THNSL1: variants seen among roughly 807,000 people sequenced by gnomAD.
The protein encoded by THNSL1 is threonine synthase like 1.
A neutral mutation model predicts 50.4 loss-of-function variants in THNSL1; 48 were observed. That is an observed-to-expected ratio of 0.95 (90% confidence interval 0.76 to 1.21). The LOEUF is 1.21. Ranked by LOEUF, THNSL1 falls within the 50% of genes most tolerant of loss-of-function variation. The pLI, the probability that THNSL1 is intolerant of heterozygous loss-of-function variation, is 0.00. For missense variants in THNSL1, 896 were observed against 871.7 expected, an observed-to-expected ratio of 1.03 and a Z score of -0.35; for synonymous variants, 309 against 306.1, an observed-to-expected ratio of 1.01 and a Z score of -0.10.
chr10:24,959,691 G>A, the THNSL1 span, among the ~76,000 whole-genome samples: 4 of 149,086 alleles, frequency 2.7e-5, no homozygotes, highest in African/African-American at 9.9e-5. Flanking sequence ...TTTTTTTTTT[G>A]TCTATGCAAA....
At chr10:25,018,102 CT>C (rs1278254919) in intron 1 of THNSL1, among the ~76,000 whole-genome samples, 1 of 152,164 alleles carries the variant, frequency 6.6e-6, no homozygotes, top group Non-Finnish European at 1.5e-5. Flanking sequence ...TCACTGATGT[CT>C]GTATATTTAT....
the THNSL1 span, among the ~76,000 whole-genome samples, chr10:24,993,219 G>T: frequency 6.6e-6 from 1 of 152,186 alleles, no homozygotes; most frequent in Non-Finnish European, 1.5e-5. Context: ...AAGCTTCAAT[G>T]ATCTGAAATA....
At chr10:24,989,320 G>A in the THNSL1 span, among the ~76,000 whole-genome samples, 1 of 152,052 alleles carries the variant, frequency 6.6e-6, no homozygotes, top group Non-Finnish European at 1.5e-5. Context: ...GAACATCTGC[G>A]TTTTCACTGG....
the THNSL1 span, chr10:24,990,640 A>G: frequency 6.3e-7 from 1 of 1,580,314 alleles, no homozygotes; most frequent in Non-Finnish European, 8.6e-7. Flanking sequence ...AAAGTAATCA[A>G]TATTTTGTAT....
chr10:24,955,162 A>G, the THNSL1 span, among the ~76,000 whole-genome samples: 63 of 152,172 alleles, frequency 4.1e-4, 1 homozygote, highest in Admixed American at 2.6e-4. Flanking sequence ...GAGAGAGAGC[A>G]AGGGTGTAGT....
At chr10:25,006,623 G>T in the THNSL1 span, among the ~76,000 whole-genome samples, 34 of 152,164 alleles carry the variant, frequency 2.2e-4, no homozygotes, top group Non-Finnish European at 4.0e-4. Flanking sequence ...TTTCCCATTT[G>T]CTTTGATAGC....
chr10:24,971,108 T>C, the THNSL1 span, among the ~76,000 whole-genome samples: 1 of 151,690 alleles, frequency 6.6e-6, no homozygotes, highest in South Asian at 2.1e-4. Context: ...CTCACTGCTT[T>C]TTTTTTTTTG....
the THNSL1 span, chr10:24,985,000 A>G: frequency 5.2e-6 from 5 of 955,902 alleles, no homozygotes; most frequent in South Asian, 5.9e-5. Context: ...GTCAATAAGT[A>G]AAAGAAACTG....
the THNSL1 span, chr10:24,995,918 A>C: frequency 7.1e-7 from 1 of 1,411,280 alleles, no homozygotes; most frequent in Non-Finnish European, 9.7e-7. Flanking sequence ...AAACACTGCT[A>C]CTCAGTGCTA....
the THNSL1 span, among the ~76,000 whole-genome samples, chr10:24,970,476 G>A: frequency 6.6e-5 from 10 of 152,156 alleles, no homozygotes; most frequent in African/African-American, 2.4e-4. Context: ...TTGGGAGGCA[G>A]AGGCAGGAAG....
chr10:24,984,664 T>C, the THNSL1 span: 1 of 1,406,280 alleles, frequency 7.1e-7, no homozygotes, highest in South Asian at 1.4e-5. Context: ...TTGAAAAACT[T>C]GGAGTTTTTT....
chr10:24,964,156 A>G, the THNSL1 span, among the ~76,000 whole-genome samples: 1 of 152,248 alleles, frequency 6.6e-6, no homozygotes, highest in South Asian at 2.1e-4. Flanking sequence ...CAATGTCTTC[A>G]GAAAGTGCCA....
chr10:24,973,532 G>T, the THNSL1 span, among the ~76,000 whole-genome samples: 1 of 152,048 alleles, frequency 6.6e-6, no homozygotes, highest in Non-Finnish European at 1.5e-5. Context: ...AACTAAAACT[G>T]CAGAAACTGA....
At chr10:25,021,636 A>G (rs1318285490) in intron 1 of THNSL1, 106 bp from the exon 2 acceptor site, 1 of 152,204 alleles carries the variant, frequency 6.6e-6, no homozygotes, top group African/African-American at 2.4e-5. Context: ...ATTTTTCTGT[A>G]TTTTTAAAAT....
At chr10:24,952,446 A>T in the THNSL1 span, 4 of 1,465,626 alleles carry the variant, frequency 2.7e-6, no homozygotes, top group Non-Finnish European at 2.8e-6. The surrounding 1 kb of genome is among the most constrained non-coding windows in gnomAD (Gnocchi z 5.1). Context: ...CCCCCGACGC[A>T]CGGCAAGCAT....
At chr10:24,990,747 TC>T in the THNSL1 span, 1 of 858,588 alleles carries the variant, frequency 1.2e-6, no homozygotes, top group Non-Finnish European at 1.7e-6. Flanking sequence ...TTGACAAAAT[TC>T]AGTGACTTTT....
At chr10:25,019,367 G>A (rs1255743165) in intron 1 of THNSL1, among the ~76,000 whole-genome samples, 1 of 152,152 alleles carries the variant, frequency 6.6e-6, no homozygotes, top group Non-Finnish European at 1.5e-5. Context: ...CCAGCTACTT[G>A]GGAGGCTGAG....
chr10:25,005,935 T>G, the THNSL1 span, among the ~76,000 whole-genome samples: 1 of 152,232 alleles, frequency 6.6e-6, no homozygotes, highest in Admixed American at 6.5e-5. Context: ...TATAGCCACA[T>G]GTGGATATTG....
At chr10:25,000,730 C>T in the THNSL1 span, among the ~76,000 whole-genome samples, 1 of 152,066 alleles carries the variant, frequency 6.6e-6, no homozygotes, top group East Asian at 1.9e-4. Context: ...TATCCAGCCA[C>T]CAATCACTTT....
Sources: gnomAD v4.1 joint callset for allele counts (sites outside exome capture counted in the v4.1 genomes callset) on GRCh38, gnomAD v4.1.1 for gene constraint, Gnocchi (gnomAD v3.1) non-coding constraint, MANE v1.5 for transcripts, NCBI Gene and HGNC (gene_info 2026-07-23, HGNC 2026-07-21) for gene names.